Variants in STRIP1 observed in about 807,000 individuals in gnomAD.
The protein encoded by STRIP1 is striatin-interacting protein 1.
Under a neutral mutation model 106.2 loss-of-function variants are expected in STRIP1, and 63 were observed. That is an observed-to-expected ratio of 0.59 (90% CI 0.48 to 0.73). The LOEUF (loss-of-function observed/expected upper bound fraction) is 0.73, where lower values mean the gene tolerates loss of function less well. Ranked by LOEUF, STRIP1 falls within the 30% of genes least tolerant of loss-of-function variation. The pLI, the probability that STRIP1 is intolerant of heterozygous loss-of-function variation, is 0.00. For synonymous variants in STRIP1, 390 were observed against 413.0 expected, an observed-to-expected ratio of 0.94 and a Z score of 0.67; for missense variants, 857 against 1,074.8, an observed-to-expected ratio of 0.80 and a Z score of 2.83.
chr1:110,040,717 C>G lies in STRIP1; in HGVS notation c.650+14C>G, dbSNP rs1196089825. The G allele has an allele frequency of 6.2e-7, 1 of 1,604,190 alleles. No individual in the cohort carries two copies. The highest frequency in any genetic ancestry group is 2.2e-5 in the East Asian group (1 of 44,508). ...CACAGACCTCAGGTGAGGCGAGCAGCAAGCCTGGGCTCCTGAGCGTTAGTC... is the reference window on the plus strand; with the variant it reads ...CACAGACCTCAGGTGAGGCGAGCAGGAAGCCTGGGCTCCTGAGCGTTAGTC... On this transcript the variant is annotated intron_variant, in intron 6 of 20. Transcript: ENST00000369795.
chr1:110,046,589 G>A, intron 12 of STRIP1, 91 bp from the exon 13 acceptor site: 2 of 1,136,954 alleles, frequency 1.8e-6, no homozygotes, highest in Non-Finnish European at 2.7e-6. Context: ...GACTGTGTTT[G>A]AAGACAAATG....
rs780867138 is a variant in STRIP1, at chr1:110,050,400, G to A, written c.1947G>A (p.Ala649=). 1.5e-5 allele frequency: 25 copies of A among 1,614,024 alleles called. No individual in the cohort carries two copies. Among genetic ancestry groups the A allele is most frequent in the South Asian group, 7.7e-5 (7 of 91,084 alleles). Residue 649 remains alanine (A), a synonymous_variant, in exon 18 of 21, where the codon GCG becomes GCA. Transcript: ENST00000369795. Reference sequence around the variant, plus strand: ...TGCATGAGCTGCCAGAGCTGACGGCGGAGAGTTTGGTGAGTGGCTGGGCTC... The same window carrying A: ...TGCATGAGCTGCCAGAGCTGACGGCAGAGAGTTTGGTGAGTGGCTGGGCTC... ...CVVHELPELT[A]ESLEAGDSNQ...
chr1:110,041,507 C>T (rs766543201), intron 6 of STRIP1, 29 bp from the exon 7 acceptor site: 2 of 1,576,002 alleles, frequency 1.3e-6, no homozygotes, highest in Non-Finnish European at 1.7e-6. Flanking sequence ...CCCCATCCCA[C>T]TCCATTGTGA....
intron 18 of STRIP1, 66 bp downstream of exon 18, chr1:110,050,475 A>G (rs1163356820): frequency 3.5e-6 from 5 of 1,428,134 alleles, no homozygotes; most frequent in Non-Finnish European, 4.9e-6. Flanking sequence ...GAGCCTGCCT[A>G]CCCCAACACT....
chr1:110,037,824 C>G (rs1403554469), intron 1 of STRIP1, 67 bp from the exon 2 acceptor site: 1 of 1,145,632 alleles, frequency 8.7e-7, no homozygotes, highest in African/African-American at 1.5e-5. Context: ...AACAGCATCT[C>G]GAAGCATGAG....
Position 110,049,579 on chromosome 1 carries a change from C to G in STRIP1, c.1889+19C>G. ...AGAACAGGTGATGAGGGCCAGGGAC[C>G]ATGAAGGGGTGGATATGGTCAGACG... On this transcript the variant is annotated intron_variant, in intron 17 of 20. Transcript: ENST00000369795. 6.4e-7 allele frequency: 1 copy of G among 1,554,744 alleles called. No homozygotes were observed. Among genetic ancestry groups the G allele is most frequent in the South Asian group, 1.1e-5 (1 of 88,130 alleles).
At chr1:110,038,823 A>C in intron 3 of STRIP1, 66 bp downstream of exon 3, 1 of 1,454,818 alleles carries the variant, frequency 6.9e-7, no homozygotes, top group Non-Finnish European at 9.6e-7. Context: ...GGTTTCTTTT[A>C]GGCATCTGAA....
intron 7 of STRIP1, 33 bp from the exon 8 acceptor site, chr1:110,041,701 G>C: frequency 1.2e-6 from 2 of 1,614,114 alleles, no homozygotes; most frequent in African/African-American, 1.3e-5. Flanking sequence ...GGAAGGCTTT[G>C]GGAGGGTCCT....
At chr1:110,036,699 C>T (rs1389225083) in intron 1 of STRIP1, among the ~76,000 whole-genome samples, 1 of 152,238 alleles carries the variant, frequency 6.6e-6, no homozygotes, top group Non-Finnish European at 1.5e-5. Context: ...TAAAAATCTT[C>T]AAAGTAGATT....
In STRIP1 at chr1:110,043,728, T is replaced by C; in HGVS notation, c.1158T>C (p.Asp386=). 2 of 1,614,120 alleles carry C rather than the reference T, an allele frequency of 1.2e-6. No homozygotes were observed. The highest frequency in any genetic ancestry group is 4.5e-5 in the East Asian group (2 of 44,890). Residue 386 remains aspartate (D), a synonymous_variant, in exon 10 of 21, where the codon GAT becomes GAC. Transcript: ENST00000369795. Reference sequence around the variant, plus strand: ...CTCGAGAAGAGGAAGAGGAGAATGATGATGACAACAGTCTGGAGGGGGAGA... The same window carrying C: ...CTCGAGAAGAGGAAGAGGAGAATGACGATGACAACAGTCTGGAGGGGGAGA... ...DDSREEEEEN[D]DDNSLEGETF... is the part of the protein sequence containing the mutation.
Position 110,038,740 on chromosome 1 carries a change from A to G in STRIP1, c.308A>G (p.Glu103Gly). 6.2e-7 allele frequency: 1 copy of G among 1,614,116 alleles called. No homozygotes were observed. Among genetic ancestry groups the G allele is most frequent in the Non-Finnish European group, 8.5e-7 (1 of 1,179,970 alleles). Residue 103 changes from glutamate to glycine, a missense_variant, in exon 3 of 21, where the codon GAG (glutamate) becomes GGG (glycine). Physicochemically the swap from Glu to Gly is moderately conservative, Grantham distance 98. Around this residue, in one of 2 missense-constraint regions of STRIP1, gnomAD observed 750 missense variants for 989.8 expected, o/e 0.76. Transcript: ENST00000369795. ...CTGATGAATCGAAAATGCTTTGAGG[A>G]GGACTTCCGGATCCATGGTGAGATG... ...EFLMNRKCFE[E>G]DFRIHVTDKK...
chr1:110,047,496 T>TG (rs780846024), intron 13 of STRIP1, 46 bp from the exon 14 acceptor site: 10 of 1,507,362 alleles, frequency 6.6e-6, no homozygotes, highest in Admixed American at 1.8e-5. Flanking sequence ...CTCAGGAGAT[T>TG]GTATTCTGGG....
chr1:110,051,958 C>G (rs982818786), intron 20 of STRIP1, 71 bp downstream of exon 20: 3 of 1,504,916 alleles, frequency 2.0e-6, no homozygotes, highest in East Asian at 4.6e-5. Context: ...ACTCCCTGCC[C>G]GTGGTACTCA....
chr1:110,043,496 G>T, intron 9 of STRIP1, 143 bp from the exon 10 acceptor site: 1 of 871,574 alleles, frequency 1.1e-6, no homozygotes, highest in Non-Finnish European at 1.8e-6. Flanking sequence ...TTGATGGTTT[G>T]GCCCCCGTCT....
chr1:110,050,470 TGC>T, intron 18 of STRIP1, 61 bp downstream of exon 18: 1 of 1,486,224 alleles, frequency 6.7e-7, no homozygotes, highest in Non-Finnish European at 9.4e-7. Flanking sequence ...GTAGAGAGCC[TGC>T]CTACCCCAAC....
chr1:110,039,450 C>T lies in STRIP1; in HGVS notation c.516C>T (p.Asn172=). Residue 172 remains asparagine (N), a synonymous_variant, in exon 5 of 21, where the codon AAC becomes AAT. Transcript: ENST00000369795. The part of the protein sequence containing the change: ...EAEVQSWMRY[N]IFLLLEVGTF... ...AGGTGCAGTCCTGGATGCGCTACAA[C>T]ATCTTTCTCCTCCTGGAGGTGGGCA... 1 of 1,613,584 alleles carries T rather than the reference C, an allele frequency of 6.2e-7. No homozygotes were observed. Among genetic ancestry groups the T allele is most frequent in the South Asian group, 1.1e-5 (1 of 90,900 alleles).
chr1:110,050,186 T>C, intron 17 of STRIP1, 157 bp from the exon 18 acceptor site: 1 of 648,198 alleles, frequency 1.5e-6, no homozygotes, highest in Non-Finnish European at 2.8e-6. Context: ...TTCCTCATCT[T>C]ATAGGTGGGG....
intron 3 of STRIP1, 50 bp downstream of exon 3, chr1:110,038,807 G>A: frequency 6.5e-7 from 1 of 1,542,882 alleles, no homozygotes; most frequent in Non-Finnish European, 9.0e-7. Context: ...CATAACGAGA[G>A]CTGCAGGTTT....
chr1:110,033,516 C>T (rs1652288613), upstream of STRIP1, among the ~76,000 whole-genome samples: 3 of 152,158 alleles, frequency 2.0e-5, no homozygotes, highest in African/African-American at 7.2e-5. Flanking sequence ...AGCCCAAAGT[C>T]GAGGGGTTGC....
Sources: allele counts gnomAD v4.1 joint callset (sites outside exome capture counted in the v4.1 genomes callset), GRCh38; gene constraint gnomAD v4.1.1; regional missense constraint gnomAD v4.1.1; transcripts MANE v1.5; gene names NCBI Gene and HGNC (gene_info 2026-07-23, HGNC 2026-07-21).